Variants in TUB observed in about 807,000 individuals in gnomAD.
The protein encoded by TUB is tubby protein homolog.
A neutral mutation model predicts 59.7 loss-of-function variants in TUB; 33 were observed. The observed-to-expected ratio is 0.55, with a 90% CI of 0.42 to 0.74. The LOEUF is 0.74. Among genes scored for constraint, TUB ranks in the 30% least tolerant of loss-of-function variants. TUB has a pLI of 0.00. For synonymous variants in TUB, 293 were observed against 256.4 expected, an observed-to-expected ratio of 1.14 and a Z score of -1.36; for missense variants, 659 against 672.0, an observed-to-expected ratio of 0.98 and a Z score of 0.21.
At chr11:8,095,993 C>G (rs1321839201) in intron 5 of TUB, among the ~76,000 whole-genome samples, 1 of 152,224 alleles carries the variant, frequency 6.6e-6, no homozygotes, top group African/African-American at 2.4e-5. Flanking sequence ...TGGAAACCTG[C>G]TGTTCAGTTT....
chr11:8,027,482 G>T (rs1180741911), intron 1 of TUB, among the ~76,000 whole-genome samples: 2 of 151,808 alleles, frequency 1.3e-5, no homozygotes. Context: ...ACCACATTTT[G>T]TTTATTTTTA....
At chr11:8,073,358 G>A (rs1311378770) in intron 2 of TUB, among the ~76,000 whole-genome samples, 3 of 152,176 alleles carry the variant, frequency 2.0e-5, no homozygotes, top group African/African-American at 7.2e-5. Context: ...TCCTCTTGTT[G>A]GAGAGATTGG....
Position 8,100,921 on chromosome 11 carries a change from G to C in TUB, c.1311G>C (p.Gln437His). The change falls in exon 11 of 12, where the codon CAG becomes CAC. Residue 437 changes from glutamine to histidine, a missense_variant. Physicochemically the swap from Gln to His is conservative, Grantham distance 24. This residue lies in a region of TUB where 226 missense variants were observed against 210.8 expected (regional missense o/e 1.07). Transcript: ENST00000299506. ...NKTPVWNDDTQSYVLNFHGRV... is the reference protein window; with the variant it reads ...NKTPVWNDDTHSYVLNFHGRV... ...CACCTGTCTGGAATGATGACACACA[G>C]TCCTATGTACTCAACTTCCATGGGC... 2 of 1,614,144 alleles carry C rather than the reference G, an allele frequency of 1.2e-6. No individual in the cohort carries two copies. The highest frequency in any genetic ancestry group is 1.7e-6 in the Non-Finnish European group (2 of 1,180,034).
At chr11:8,022,855 A>T (rs1942449478) in intron 1 of TUB, among the ~76,000 whole-genome samples, 1 of 152,202 alleles carries the variant, frequency 6.6e-6, no homozygotes, top group Non-Finnish European at 1.5e-5. Flanking sequence ...AGATCGTGCC[A>T]CTGCACTCCA....
At chr11:8,057,978 G>A (rs963751100) in intron 2 of TUB, among the ~76,000 whole-genome samples, 1 of 152,082 alleles carries the variant, frequency 6.6e-6, no homozygotes, top group Admixed American at 6.6e-5. Flanking sequence ...GGGAGGCCGA[G>A]GCAGGAGGAT....
Position 8,073,106 on chromosome 11 carries a change from T to C in TUB, c.204-16504T>C, listed in dbSNP as rs191816606. 2.0e-5 allele frequency among the ~76,000 whole-genome samples: 3 copies of C among 152,198 alleles called. No individual in the cohort carries two copies. In the East Asian group the frequency reaches 5.8e-4, roughly 29 times the overall value. On this transcript the variant is annotated intron_variant, in intron 2 of 12. Transcript: ENST00000305253. ...CCTGGCACTGGTGTTCTTTCCTCTA[T>C]AGCTGCTGCCTCCATAGGTCTTGGA... is the stretch of plus-strand genomic sequence containing the variant.
At chr11:8,048,433 G>A (rs1942873922) in intron 2 of TUB, among the ~76,000 whole-genome samples, 2 of 152,136 alleles carry the variant, frequency 1.3e-5, no homozygotes, top group African/African-American at 4.8e-5. Context: ...ATGAGGTCTT[G>A]TTCTGTCACT....
chr11:8,038,626 C>A, upstream of TUB: 2 of 1,226,276 alleles, frequency 1.6e-6, no homozygotes, highest in South Asian at 5.2e-5. Context: ...GGCATGGCCA[C>A]TGAGACCTTG....
In TUB at chr11:8,100,822, C is replaced by T. The variant is rs1179205723; in HGVS notation, c.1216-4C>T. Reference sequence around the variant, plus strand: ...GCCTGGCTCAGGTGAGGCTGCCCTCCCAGGAGCATGAGACACTGCTAGCAC... The same window carrying T: ...GCCTGGCTCAGGTGAGGCTGCCCTCTCAGGAGCATGAGACACTGCTAGCAC... On this transcript the variant is annotated splice_region_variant and splice_polypyrimidine_tract_variant and intron_variant, in intron 10 of 11. Coordinates refer to ENST00000299506, the MANE Select transcript of TUB (RefSeq NM_177972.3). The T allele has an allele frequency of 3.1e-6, 5 of 1,613,516 alleles. No individual in the cohort carries two copies. The highest frequency in any genetic ancestry group is 3.4e-6 in the Non-Finnish European group (4 of 1,179,752).
chr11:8,065,919 G>C (rs1486437965), intron 2 of TUB, among the ~76,000 whole-genome samples: 1 of 152,226 alleles, frequency 6.6e-6, no homozygotes, highest in African/African-American at 2.4e-5. Flanking sequence ...ATACATGACA[G>C]TGTGGATTCT....
At chr11:8,099,541 T>C (rs1247042109) in intron 9 of TUB, among the ~76,000 whole-genome samples, 1 of 152,206 alleles carries the variant, frequency 6.6e-6, no homozygotes, top group East Asian at 1.9e-4. Context: ...AAGTTCTTAC[T>C]GAGCTCCAAC....
At chr11:8,065,968 G>A (rs568675076) in intron 2 of TUB, among the ~76,000 whole-genome samples, 20 of 152,294 alleles carry the variant, frequency 1.3e-4, no homozygotes, top group Middle Eastern at 3.4e-3. Context: ...GAGTCATATC[G>A]CGGTGAAGCG....
At chr11:8,093,970 A>AGT (rs1245514384) in intron 3 of TUB, 76 bp from the exon 4 acceptor site, 173 of 1,576,100 alleles carry the variant, frequency 1.1e-4, no homozygotes, top group Non-Finnish European at 1.5e-4. Flanking sequence ...TGTGCTGGGG[A>AGT]CTGTGTTCAG....
At chr11:8,027,418 T>A (rs1942514452) in intron 1 of TUB, among the ~76,000 whole-genome samples, 1 of 152,262 alleles carries the variant, frequency 6.6e-6, no homozygotes, top group Non-Finnish European at 1.5e-5. Flanking sequence ...TTTTCAAGAT[T>A]CATTCATGTT....
At chr11:8,019,435 G>T (rs1942385138) in intron 1 of TUB, 3 of 1,216,582 alleles carry the variant, frequency 2.5e-6, no homozygotes, top group Admixed American at 4.3e-5. Flanking sequence ...GGCCTCCGGG[G>T]GCTAGGACTG....
chr11:8,101,179 T>G (rs1190896492), intron 11 of TUB, among the ~76,000 whole-genome samples, 182 bp downstream of exon 11: 1 of 152,192 alleles, frequency 6.6e-6, no homozygotes, highest in Non-Finnish European at 1.5e-5. Flanking sequence ...GAACCTTCTT[T>G]GCAGCCCTGG....
At chr11:8,098,095 T>C (rs1944083185) in intron 8 of TUB, among the ~76,000 whole-genome samples, 1 of 151,652 alleles carries the variant, frequency 6.6e-6, no homozygotes, top group Non-Finnish European at 1.5e-5. Flanking sequence ...CCCCAGGGTG[T>C]CACTGATAAC....
chr11:8,088,999 T>C (rs1286865634), intron 1 of TUB, among the ~76,000 whole-genome samples: 1 of 152,208 alleles, frequency 6.6e-6, no homozygotes, highest in African/African-American at 2.4e-5. Flanking sequence ...GAGGGACTGG[T>C]TGGTCTCTTA....
intron 2 of TUB, chr11:8,068,609 C>A (rs1041517783): frequency 6.6e-6 from 1 of 152,442 alleles, no homozygotes; most frequent in Admixed American, 6.5e-5. Context: ...CTTCCTCACC[C>A]CGTCTACCTT....
Sources: gnomAD v4.1 joint callset for allele counts (sites outside exome capture counted in the v4.1 genomes callset) on GRCh38, gnomAD v4.1.1 for gene constraint, gnomAD v4.1.1 regional missense constraint, MANE v1.5 for transcripts, NCBI Gene and HGNC (gene_info 2026-07-23, HGNC 2026-07-21) for gene names.